EBF2: variants seen among roughly 807,000 people sequenced by gnomAD.
EBF2 encodes the protein transcription factor COE2.
A neutral mutation model predicts 72.8 loss-of-function variants in EBF2; 21 were observed. That is an observed-to-expected ratio of 0.29 (90% CI 0.20 to 0.42). EBF2 has a LOEUF of 0.42. Ranked by LOEUF, EBF2 falls within the 10% of genes least tolerant of loss-of-function variation. The probability of loss-of-function intolerance (pLI) is 1.00; values close to 1 mark genes in which losing one functional copy is unlikely to be tolerated. For missense variants in EBF2, 637 were observed against 731.2 expected (o/e 0.87, Z 1.49); for synonymous variants, 299 against 274.2 (o/e 1.09, Z -0.89).
At chr8:26,011,981 T>A (rs1270264431) in intron 6 of EBF2, among the ~76,000 whole-genome samples, 1 of 152,082 alleles carries the variant, frequency 6.6e-6, no homozygotes, top group African/African-American at 2.4e-5. Context: ...AAGGGAGCCT[T>A]GAAAGACCCG....
intron 6 of EBF2, among the ~76,000 whole-genome samples, chr8:25,999,247 A>G (rs1422372099): frequency 6.6e-6 from 1 of 152,202 alleles, no homozygotes; most frequent in African/African-American, 2.4e-5. Flanking sequence ...ATCTATTGCC[A>G]CCATCATTTT....
intron 7 of EBF2, among the ~76,000 whole-genome samples, chr8:25,891,405 A>T (rs1423033636): frequency 6.6e-6 from 1 of 152,090 alleles, no homozygotes; most frequent in Non-Finnish European, 1.5e-5. Context: ...TATTATATAC[A>T]TACTCACAAA....
chr8:25,975,246 C>A (rs1046243029), intron 6 of EBF2, among the ~76,000 whole-genome samples: 3 of 152,138 alleles, frequency 2.0e-5, no homozygotes, highest in Non-Finnish European at 4.4e-5. Flanking sequence ...AGAAACGATA[C>A]ATGTTTCAAA....
intron 7 of EBF2, among the ~76,000 whole-genome samples, chr8:25,903,206 T>TTC (rs1491233157): frequency 1.7e-4 from 25 of 148,294 alleles, no homozygotes; most frequent in African/African-American, 6.2e-4. Context: ...TTTTTTTTTT[T>TTC]CCTTTTTGTG....
intron 7 of EBF2, among the ~76,000 whole-genome samples, chr8:25,893,119 C>T (rs1173329031): frequency 6.6e-6 from 1 of 152,000 alleles, no homozygotes; most frequent in Non-Finnish European, 1.5e-5. Flanking sequence ...GTATTGCCTA[C>T]CCCCCGAAAA....
chr8:25,928,460 A>G lies in EBF2; in HGVS notation c.552-19905T>C, dbSNP rs555310997. ...CCCAGAAACCAAATGTGAATTTTCT[A>G]TTTCCCACCTCAGCACTAGTCCATG... On this transcript the variant is annotated intron_variant, in intron 6 of 15. Transcript: ENST00000520164. Among the ~76,000 whole-genome samples, 33 of 152,156 alleles carry G rather than the reference A, an allele frequency of 2.2e-4. No individual in the cohort carries two copies. The South Asian group carries it at 5.0e-3, about 23-fold the overall frequency.
At chr8:26,033,573 C>T (rs1256816547) in intron 5 of EBF2, among the ~76,000 whole-genome samples, 1 of 151,026 alleles carries the variant, frequency 6.6e-6, no homozygotes, top group African/African-American at 2.5e-5. Context: ...AGGGAAACAA[C>T]ACACACTGGG....
At chr8:26,023,075 T>C (rs1256690119) in intron 6 of EBF2, among the ~76,000 whole-genome samples, 2 of 152,158 alleles carry the variant, frequency 1.3e-5, no homozygotes, top group Admixed American at 6.6e-5. Flanking sequence ...AGGTCTCATT[T>C]CCCAACCATT....
At chr8:25,875,339 C>T (rs1240733607) in intron 10 of EBF2, among the ~76,000 whole-genome samples, 1 of 152,138 alleles carries the variant, frequency 6.6e-6, no homozygotes, top group Non-Finnish European at 1.5e-5. Context: ...TAAGTATATC[C>T]TCATTTTTAG....
chr8:26,034,239 C>T (rs1302061536), intron 5 of EBF2, among the ~76,000 whole-genome samples: 2 of 152,182 alleles, frequency 1.3e-5, no homozygotes, highest in African/African-American at 4.8e-5. Flanking sequence ...CTATGGTATA[C>T]ATTTTAAAAT....
At chr8:25,902,170 G>A (rs1017391526) in intron 7 of EBF2, among the ~76,000 whole-genome samples, 2 of 152,176 alleles carry the variant, frequency 1.3e-5, no homozygotes, top group Non-Finnish European at 2.9e-5. Flanking sequence ...TGTGGGAAAT[G>A]ACCGTGTGCC....
At chr8:25,962,729 T>C (rs1804054663) in intron 6 of EBF2, among the ~76,000 whole-genome samples, 1 of 152,168 alleles carries the variant, frequency 6.6e-6, no homozygotes, top group Non-Finnish European at 1.5e-5. Flanking sequence ...GGACCCAAGT[T>C]AAAAATGATT....
At chr8:25,985,225 G>C (rs187928172) in intron 6 of EBF2, among the ~76,000 whole-genome samples, 353 of 152,294 alleles carry the variant, frequency 2.3e-3, no homozygotes, top group Non-Finnish European at 3.7e-3. Context: ...CCAAGTGTAA[G>C]AGTGCCCTTT....
intron 6 of EBF2, among the ~76,000 whole-genome samples, chr8:26,022,858 C>G: frequency 6.6e-6 from 1 of 152,184 alleles, no homozygotes; most frequent in Admixed American, 6.5e-5. Flanking sequence ...GGCTGACAAG[C>G]TTGGAGCCTC....
intron 6 of EBF2, among the ~76,000 whole-genome samples, chr8:26,018,257 C>A: frequency 6.7e-6 from 1 of 149,464 alleles, no homozygotes; most frequent in Non-Finnish European, 1.5e-5. Context: ...AAGATGGGAG[C>A]CAGAGGGAGG....
chr8:25,956,943 G>A (rs1803958425), intron 6 of EBF2, among the ~76,000 whole-genome samples: 2 of 152,208 alleles, frequency 1.3e-5, no homozygotes, highest in South Asian at 4.1e-4. Context: ...CGCTCATCTA[G>A]GGAAGGAAGC....
At chr8:25,910,587 G>A (rs1055375082) in intron 6 of EBF2, among the ~76,000 whole-genome samples, 1 of 152,214 alleles carries the variant, frequency 6.6e-6, no homozygotes, top group African/African-American at 2.4e-5. Flanking sequence ...AGGTGGAAAA[G>A]TGCAAAAGAG....
chr8:25,905,395 AAC>A (rs1563395683), intron 7 of EBF2, among the ~76,000 whole-genome samples: 1 of 152,202 alleles, frequency 6.6e-6, no homozygotes, highest in African/African-American at 2.4e-5. Flanking sequence ...CACAAATACT[AAC>A]AGTGTCATTG....
chr8:26,012,262 C>T (rs1805037684), intron 6 of EBF2, among the ~76,000 whole-genome samples: 1 of 151,926 alleles, frequency 6.6e-6, no homozygotes, highest in African/African-American at 2.4e-5. Flanking sequence ...GTTGCCTTTG[C>T]TTAGTATATA....
Sources: gnomAD v4.1 joint callset for allele counts (sites outside exome capture counted in the v4.1 genomes callset) on GRCh38, gnomAD v4.1.1 for gene constraint, MANE v1.5 for transcripts, NCBI Gene and HGNC (gene_info 2026-07-23, HGNC 2026-07-21) for gene names.